Variants in EIF3H observed in about 807,000 individuals in gnomAD.
EIF3H encodes the protein eukaryotic translation initiation factor 3 subunit H.
EIF3H carries 26 observed loss-of-function variants against 44.2 expected under a neutral mutation model. The observed-to-expected ratio is 0.59, with a 90% CI of 0.43 to 0.82. The LOEUF (loss-of-function observed/expected upper bound fraction) is 0.82. EIF3H is among the 40% of genes least tolerant of loss of function. The pLI is 0.00. For missense variants in EIF3H, 359 were observed against 432.8 expected, an observed-to-expected ratio of 0.83 and a Z score of 1.51; for synonymous variants, 166 against 151.9, an observed-to-expected ratio of 1.09 and a Z score of -0.68.
rs918258844 is a variant in EIF3H, at chr8:116,643,477, G to T, written c.*1529C>A. Reference sequence around the variant, plus strand: ...CCAACAACCCAACATCCTGGAAGGGGTGCCTAGAATGCCTCCCTCATCATA... The same window carrying T: ...CCAACAACCCAACATCCTGGAAGGGTTGCCTAGAATGCCTCCCTCATCATA... On this transcript the variant is annotated 3_prime_UTR_variant, in exon 8 of 8. Transcript: ENST00000521861. The T allele has an allele frequency of 5.3e-5, 8 of 152,160 alleles. No individual in the cohort carries two copies. The highest frequency in any genetic ancestry group is 1.9e-4 in the African/African-American group (8 of 41,422). The allele number at this position is 152,160 out of a possible 1,614,324, so 9.4% of individuals were successfully genotyped here. A position where few individuals can be genotyped will look rare whatever the true frequency, so the allele number is the denominator to read the frequency against.
At chr8:116,697,691 A>T (rs1471959865) in intron 2 of EIF3H, among the ~76,000 whole-genome samples, 1 of 152,206 alleles carries the variant, frequency 6.6e-6, no homozygotes, top group South Asian at 2.1e-4. Flanking sequence ...CTGAGGGCCT[A>T]AACTTTTATT....
chr8:116,651,501 T>C (rs965940088), intron 5 of EIF3H, among the ~76,000 whole-genome samples: 1 of 152,220 alleles, frequency 6.6e-6, no homozygotes, highest in African/African-American at 2.4e-5. Flanking sequence ...TCTCAAATAA[T>C]GGAAGGAGCA....
At chr8:116,679,733 G>A (rs1445771955) in intron 2 of EIF3H, among the ~76,000 whole-genome samples, 8 of 8,182 alleles carry the variant, frequency 9.8e-4, no homozygotes, top group African/African-American at 2.9e-3. Context: ...CCCTCTGCCC[G>A]GCCAGCCGCC....
At chr8:116,758,262 CAGA>C (rs1028356603), upstream of EIF3H, among the ~76,000 whole-genome samples, 3 of 152,126 alleles carry the variant, frequency 2.0e-5, no homozygotes. Flanking sequence ...TAATCAGAGA[CAGA>C]AGGAGACATC....
intron 1 of EIF3H, among the ~76,000 whole-genome samples, chr8:116,728,972 C>T (rs1814904143): frequency 6.6e-6 from 1 of 152,124 alleles, no homozygotes; most frequent in African/African-American, 2.4e-5. Context: ...CTATTTAATG[C>T]TTATTCAACA....
At chr8:116,751,206 C>T (rs571556721) in intron 1 of EIF3H, among the ~76,000 whole-genome samples, 2 of 140,250 alleles carry the variant, frequency 1.4e-5, no homozygotes, top group South Asian at 2.3e-4. Context: ...AGCGAGACTC[C>T]GTCTCAAAAA....
chr8:116,715,765 A>G (rs1814650895), intron 2 of EIF3H, among the ~76,000 whole-genome samples: 3 of 152,234 alleles, frequency 2.0e-5, no homozygotes, highest in East Asian at 1.9e-4. Flanking sequence ...TCTGAATCTT[A>G]TAAGATGAAA....
At chr8:116,699,078 G>A (rs1255974230) in intron 2 of EIF3H, among the ~76,000 whole-genome samples, 1 of 151,842 alleles carries the variant, frequency 6.6e-6, no homozygotes, top group Admixed American at 6.6e-5. Flanking sequence ...GAGCCCGGGA[G>A]GCGGAGGTTG....
intron 2 of EIF3H, among the ~76,000 whole-genome samples, chr8:116,671,126 G>A (rs1257074638): frequency 3.9e-5 from 6 of 152,286 alleles, no homozygotes; most frequent in African/African-American, 1.2e-4. Flanking sequence ...TAAACTGTAC[G>A]ACTATAAATA....
At chr8:116,712,093 GACT>G (rs1814580924) in intron 2 of EIF3H, among the ~76,000 whole-genome samples, 2 of 152,208 alleles carry the variant, frequency 1.3e-5, no homozygotes, top group African/African-American at 4.8e-5. Context: ...GAATTTGTAG[GACT>G]GCTGCTGCCG....
intron 3 of EIF3H, chr8:116,658,212 G>A (rs1050369634): frequency 2.6e-5 from 4 of 152,118 alleles, no homozygotes; most frequent in South Asian, 2.1e-4. Flanking sequence ...TACTCAGGAC[G>A]TTACATTTAC....
chr8:116,736,044 T>C (rs1387613499), intron 1 of EIF3H, among the ~76,000 whole-genome samples: 2 of 152,204 alleles, frequency 1.3e-5, no homozygotes, highest in Non-Finnish European at 2.9e-5. Context: ...TATGGAATTA[T>C]ACTCAACAAT....
chr8:116,672,579 A>G (rs1032928692), intron 2 of EIF3H, among the ~76,000 whole-genome samples: 1 of 152,018 alleles, frequency 6.6e-6, no homozygotes, highest in Non-Finnish European at 1.5e-5. Flanking sequence ...GCAGTGAGCT[A>G]TGATCATGCC....
chr8:116,703,840 GT>G (rs1814424668), intron 2 of EIF3H, among the ~76,000 whole-genome samples: 1 of 152,086 alleles, frequency 6.6e-6, no homozygotes, highest in South Asian at 2.1e-4. Context: ...CTGTCTCTTT[GT>G]CTTGTGTCTT....
At chr8:116,672,644 A>C (rs1813776466) in intron 2 of EIF3H, among the ~76,000 whole-genome samples, 1 of 151,930 alleles carries the variant, frequency 6.6e-6, no homozygotes, top group African/African-American at 2.4e-5. Flanking sequence ...AAAAGAAAAA[A>C]AGAAAAAAAA....
At chr8:116,745,300 T>A (rs1353312628) in intron 1 of EIF3H, among the ~76,000 whole-genome samples, 1 of 147,904 alleles carries the variant, frequency 6.8e-6, no homozygotes, top group East Asian at 1.9e-4. Flanking sequence ...AAAAATCATA[T>A]CAACAATGTA....
chr8:116,686,022 T>A (rs1390497883), intron 2 of EIF3H, among the ~76,000 whole-genome samples: 1 of 152,106 alleles, frequency 6.6e-6, no homozygotes, highest in African/African-American at 2.4e-5. Context: ...TTAGTACCCA[T>A]GAAAAAGACA....
chr8:116,698,510 A>G (rs981952738), intron 2 of EIF3H, among the ~76,000 whole-genome samples: 1 of 152,218 alleles, frequency 6.6e-6, no homozygotes, highest in African/African-American at 2.4e-5. Context: ...ATACTTACAA[A>G]AAGCCTTCAT....
intron 2 of EIF3H, among the ~76,000 whole-genome samples, chr8:116,679,788 C>A (rs1438157384): frequency 6.1e-5 from 1 of 16,398 alleles, no homozygotes; most frequent in East Asian, 9.7e-4. Context: ...GCCCGGCCAG[C>A]CGCCCCATCC....
Sources: allele counts gnomAD v4.1 joint callset (sites outside exome capture counted in the v4.1 genomes callset), GRCh38; gene constraint gnomAD v4.1.1; transcripts MANE v1.5; gene names NCBI Gene and HGNC (gene_info 2026-07-23, HGNC 2026-07-21).